The following FHIT variants were observed in gnomAD, a reference collection of about 807,000 sequenced individuals.
FHIT encodes fragile histidine triad diadenosine triphosphatase, also known as bis(5'-adenosyl)-triphosphatase.
FHIT carries 19 observed loss-of-function variants against 17.9 expected under a neutral mutation model. The ratio of observed to expected loss-of-function variants is 1.06; its 90% CI spans 0.74 to 1.56. The LOEUF (loss-of-function observed/expected upper bound fraction) is 1.56, where lower values mean the gene tolerates loss of function less well. Ranked by LOEUF, FHIT falls within the 40% of genes most tolerant of loss-of-function variation. The pLI is 0.00. For missense variants in FHIT, 248 were observed against 189.2 expected (o/e 1.31, Z -1.82); for synonymous variants, 81 against 69.7 (o/e 1.16, Z -0.81).
intron 5 of FHIT, among the ~76,000 whole-genome samples, chr3:60,534,439 C>CAAAAAAAAAAAAAAAAAAAAAAAAA (rs563992117): frequency 3.1e-5 from 1 of 32,410 alleles, no homozygotes; most frequent in Non-Finnish European, 5.2e-5. Flanking sequence ...GACTCCGTCT[C>CAAAAAAAAAAAAAAAAAAAAAAAAA]AAAAAAAAAA....
chr3:60,724,488 T>C (rs1553708831), intron 4 of FHIT, among the ~76,000 whole-genome samples: 1 of 152,220 alleles, frequency 6.6e-6, no homozygotes, highest in Non-Finnish European at 1.5e-5. Flanking sequence ...TCCCCTTGAA[T>C]AGCTACCTAA....
chr3:60,511,561 GA>G lies in FHIT; in HGVS notation c.103+25298del, dbSNP rs2034951883. 3.3e-5 allele frequency among the ~76,000 whole-genome samples: 5 copies of G among 152,218 alleles called. 1 individual carries two copies. In the South Asian group the frequency reaches 1.0e-3, roughly 32 times the overall value. ...TAGAAGAGAAAAATAAACATAAAAT[GA>G]GAGGAAGCACCCCCATAGTGCTGGA... On this transcript the variant is annotated intron_variant, in intron 5 of 9. Transcript: ENST00000492590.
At chr3:59,824,938 C>T (rs1479861671) in intron 8 of FHIT, among the ~76,000 whole-genome samples, 2 of 152,200 alleles carry the variant, frequency 1.3e-5, no homozygotes, top group Admixed American at 6.5e-5. Context: ...GCACACTTTT[C>T]CCTATTGACG....
intron 5 of FHIT, among the ~76,000 whole-genome samples, chr3:60,371,576 C>T (rs1187112614): frequency 6.6e-6 from 1 of 152,092 alleles, no homozygotes; most frequent in Non-Finnish European, 1.5e-5. Context: ...CAAGGCTCTT[C>T]TTTTTATTTT....
At chr3:61,095,413 T>C (rs1425904617) in intron 2 of FHIT, among the ~76,000 whole-genome samples, 1 of 152,162 alleles carries the variant, frequency 6.6e-6, no homozygotes, top group African/African-American at 2.4e-5. Flanking sequence ...CTCACCTACA[T>C]ATAAGATACA....
At chr3:60,399,527 G>A (rs1346147207) in intron 5 of FHIT, among the ~76,000 whole-genome samples, 1 of 152,118 alleles carries the variant, frequency 6.6e-6, no homozygotes, top group African/African-American at 2.4e-5. Flanking sequence ...TCTTGGATCT[G>A]GAGTATAGAA....
intron 1 of FHIT, among the ~76,000 whole-genome samples, chr3:61,210,398 C>T (rs1005437908): frequency 2.6e-5 from 4 of 152,216 alleles, no homozygotes; most frequent in South Asian, 2.1e-4. Context: ...TGCCCGGCCC[C>T]CAGAGGTGGA....
chr3:61,219,979 T>A (rs1359578704), intron 1 of FHIT, among the ~76,000 whole-genome samples: 2 of 152,248 alleles, frequency 1.3e-5, no homozygotes, highest in Non-Finnish European at 2.9e-5. Context: ...TACCTGGAAC[T>A]GAGGGATTTG....
At chr3:60,577,457 T>C (rs1340953374) in intron 4 of FHIT, among the ~76,000 whole-genome samples, 1 of 152,170 alleles carries the variant, frequency 6.6e-6, no homozygotes, top group East Asian at 1.9e-4. Context: ...TAAAGTGCAA[T>C]AGTATTTTAA....
At chr3:61,073,525 G>T (rs900696575) in intron 2 of FHIT, among the ~76,000 whole-genome samples, 34 of 152,180 alleles carry the variant, frequency 2.2e-4, no homozygotes, top group Non-Finnish European at 4.3e-4. Context: ...TAAAATATAT[G>T]TTTTAAAGCC....
chr3:59,964,391 A>T (rs76818373), intron 7 of FHIT, among the ~76,000 whole-genome samples: 13,226 of 152,142 alleles, frequency 0.087, 665 homozygotes, highest in Middle Eastern at 0.16. Context: ...ATTAATCCAG[A>T]ACTTTCCATA....
intron 5 of FHIT, among the ~76,000 whole-genome samples, chr3:60,233,118 C>CT (rs1221211441): frequency 2.6e-5 from 4 of 152,108 alleles, no homozygotes; most frequent in Non-Finnish European, 4.4e-5. Flanking sequence ...GCAATGGGTA[C>CT]ATTGGGAGTC....
At chr3:60,006,241 T>C (rs911817024) in intron 7 of FHIT, among the ~76,000 whole-genome samples, 2 of 152,198 alleles carry the variant, frequency 1.3e-5, no homozygotes, top group African/African-American at 4.8e-5. Flanking sequence ...CAAAGTGTCA[T>C]TTTTATAAGT....
intron 8 of FHIT, among the ~76,000 whole-genome samples, chr3:59,855,369 C>G (rs111443779): frequency 6.6e-6 from 1 of 152,172 alleles, no homozygotes; most frequent in African/African-American, 2.4e-5. Context: ...CCAGGTTCAT[C>G]TTTCTTCTTA....
chr3:60,086,154 G>C (rs1157311520), intron 5 of FHIT, among the ~76,000 whole-genome samples: 1 of 152,112 alleles, frequency 6.6e-6, no homozygotes, highest in Non-Finnish European at 1.5e-5. Flanking sequence ...GAGAGTAAAA[G>C]GGTGGGGGGA....
chr3:60,442,251 C>T (rs1448754653), intron 5 of FHIT, among the ~76,000 whole-genome samples: 1 of 151,934 alleles, frequency 6.6e-6, no homozygotes, highest in African/African-American at 2.4e-5. Flanking sequence ...ACCTAAGGTT[C>T]CTGATTCATC....
chr3:60,307,806 G>C (rs1174721033), intron 5 of FHIT, among the ~76,000 whole-genome samples: 21 of 152,146 alleles, frequency 1.4e-4, no homozygotes, highest in East Asian at 3.9e-4. Context: ...GATGCTGTCT[G>C]TGCCCAGACC....
chr3:60,461,734 G>A (rs559839796), intron 5 of FHIT, among the ~76,000 whole-genome samples: 1 of 152,288 alleles, frequency 6.6e-6, no homozygotes, highest in East Asian at 1.9e-4. Context: ...TTAGAAAGCA[G>A]ACCATCATTA....
chr3:59,861,488 A>C (rs982762626), intron 8 of FHIT, among the ~76,000 whole-genome samples: 5 of 152,216 alleles, frequency 3.3e-5, no homozygotes, highest in Non-Finnish European at 7.3e-5. Flanking sequence ...GAAAATGCAG[A>C]AACTCCCAGT....
Sources: allele counts gnomAD v4.1 joint callset (sites outside exome capture counted in the v4.1 genomes callset), GRCh38; gene constraint gnomAD v4.1.1; transcripts MANE v1.5; gene names NCBI Gene and HGNC (gene_info 2026-07-23, HGNC 2026-07-21).